The following STK32B variants were observed in gnomAD, a reference collection of about 807,000 sequenced individuals.
The protein encoded by STK32B is serine/threonine-protein kinase 32B.
Under a neutral mutation model 52.6 loss-of-function variants are expected in STK32B, and 43 were observed. The ratio of observed to expected loss-of-function variants is 0.82; its 90% confidence interval spans 0.64 to 1.05. STK32B has a LOEUF of 1.05. Ranked by LOEUF, STK32B falls within the 50% of genes least tolerant of loss-of-function variation. STK32B has a pLI of 0.00. For synonymous variants in STK32B, 238 were observed against 204.3 expected (o/e 1.17, Z -1.41); for missense variants, 621 against 534.6 (o/e 1.16, Z -1.59).
the STK32B span, among the ~76,000 whole-genome samples, chr4:5,043,343 ACT>A: frequency 6.6e-6 from 1 of 151,964 alleles, no homozygotes; most frequent in Non-Finnish European, 1.5e-5. Flanking sequence ...TAAGAACTGG[ACT>A]CTCTATTTGG....
At chr4:5,032,134 G>T in the STK32B span, among the ~76,000 whole-genome samples, 1 of 151,058 alleles carries the variant, frequency 6.6e-6, no homozygotes, top group Non-Finnish European at 1.5e-5. Flanking sequence ...ATTAGAACTT[G>T]AGACTAGTAG....
chr4:5,364,870 GTTATTA>G (rs146257749), intron 4 of STK32B, among the ~76,000 whole-genome samples: 5,924 of 148,816 alleles, frequency 0.04, 252 homozygotes, highest in African/African-American at 0.1. Flanking sequence ...GGAAAAAAAT[GTTATTA>G]TTATTAATTA....
intron 5 of STK32B, among the ~76,000 whole-genome samples, chr4:5,414,349 G>T (rs376402070): frequency 8.8e-5 from 9 of 102,594 alleles, no homozygotes; most frequent in African/African-American, 2.5e-4. Flanking sequence ...TACAGGTTTG[G>T]AGGAACACCT....
At chr4:5,264,529 G>A (rs558026769) in intron 3 of STK32B, among the ~76,000 whole-genome samples, 1 of 152,216 alleles carries the variant, frequency 6.6e-6, no homozygotes, top group South Asian at 2.1e-4. Context: ...GCTCACGCCT[G>A]TAATCCCAGC....
intron 4 of STK32B, among the ~76,000 whole-genome samples, chr4:5,355,355 C>T (rs1360286329): frequency 1.3e-5 from 2 of 152,166 alleles, no homozygotes; most frequent in African/African-American, 4.8e-5. Context: ...CGTCTGGCTC[C>T]ATGCACAGAC....
intron 4 of STK32B, among the ~76,000 whole-genome samples, chr4:5,336,498 A>T (rs1732706089): frequency 1.3e-5 from 2 of 152,304 alleles, no homozygotes; most frequent in South Asian, 4.1e-4. Context: ...CAAAATAACT[A>T]TGATCAGTAT....
At position 5,466,691 on chromosome 4, in the gene STK32B, A is replaced by T. The variant is rs1717461120; in HGVS notation, c.910-12A>T. The T allele has an allele frequency of 1.9e-6, 3 of 1,606,816 alleles. No individual in the cohort carries two copies. The highest frequency in any genetic ancestry group is 2.5e-6 in the Non-Finnish European group (3 of 1,176,692). On this transcript the variant is annotated splice_polypyrimidine_tract_variant and intron_variant, in intron 9 of 11. Transcript: ENST00000282908. ...GCAGACAGACCATGTTTTCTTTTCT[A>T]CTCCCCTTTAGAAAGGGAGGTTGAA...
intron 4 of STK32B, among the ~76,000 whole-genome samples, chr4:5,364,687 C>A (rs1002980382): frequency 2.6e-5 from 4 of 152,088 alleles, no homozygotes. Flanking sequence ...GAATCATATT[C>A]AGTAGGGAGA....
At chr4:5,496,249 C>A (rs1204972979) in intron 11 of STK32B, among the ~76,000 whole-genome samples, 1 of 152,232 alleles carries the variant, frequency 6.6e-6, no homozygotes, top group Non-Finnish European at 1.5e-5. Flanking sequence ...AGCTTCCAGG[C>A]CACTTTGTTT....
chr4:5,279,010 A>G (rs1214084229), intron 3 of STK32B, among the ~76,000 whole-genome samples: 1 of 152,188 alleles, frequency 6.6e-6, no homozygotes, highest in Admixed American at 6.5e-5. Flanking sequence ...ATTTGACATG[A>G]GATTTGGGTG....
chr4:5,063,791 T>G (rs1363885166), intron 1 of STK32B, among the ~76,000 whole-genome samples: 1 of 152,236 alleles, frequency 6.6e-6, no homozygotes, highest in Non-Finnish European at 1.5e-5. Context: ...ATTAGCTAAC[T>G]TATCGAACAG....
At chr4:5,224,315 A>G (rs746331748) in intron 3 of STK32B, among the ~76,000 whole-genome samples, 1 of 152,186 alleles carries the variant, frequency 6.6e-6, no homozygotes, top group African/African-American at 2.4e-5. Context: ...TCCTCATGGG[A>G]CCTCCCAATG....
At chr4:5,316,157 ATATAACTAAATATATATATAACTAAATAT>A in intron 3 of STK32B, among the ~76,000 whole-genome samples, 1 of 88,440 alleles carries the variant, frequency 1.1e-5, no homozygotes, top group Non-Finnish European at 1.9e-5. Context: ...AACTAAATAT[ATATAACTAAATATATATATAACTAAATAT>A]ATATATTTAG....
At chr4:5,093,304 A>G (rs1231172659) in intron 1 of STK32B, among the ~76,000 whole-genome samples, 1 of 152,246 alleles carries the variant, frequency 6.6e-6, no homozygotes, top group African/African-American at 2.4e-5. Flanking sequence ...ATTTGAAGTC[A>G]AAAGAAACGT....
At chr4:5,301,565 T>C (rs922753523) in intron 3 of STK32B, among the ~76,000 whole-genome samples, 4 of 151,834 alleles carry the variant, frequency 2.6e-5, no homozygotes, top group Non-Finnish European at 5.9e-5. Flanking sequence ...TGGCATAAAA[T>C]TTCTTATACT....
chr4:5,136,650 C>G (rs1392524728), intron 1 of STK32B, among the ~76,000 whole-genome samples: 1 of 152,204 alleles, frequency 6.6e-6, no homozygotes, highest in Non-Finnish European at 1.5e-5. Context: ...CTCACACCCC[C>G]CAGCCAATTC....
At position 5,184,684 on chromosome 4, in the gene STK32B, C is replaced by CA. The variant is rs1553846538; in HGVS notation, c.260+16247dup. On this transcript the variant is annotated intron_variant, in intron 3 of 11. Coordinates refer to ENST00000282908, the MANE Select transcript of STK32B (RefSeq NM_018401.3). Reference sequence around the variant, plus strand: ...GCCTGGTGACAGAGCGAGACTGTCTCAAAAAAAAAAAAAGAAGAAGAAGAA... The same window carrying CA: ...GCCTGGTGACAGAGCGAGACTGTCTCAAAAAAAAAAAAAAGAAGAAGAAGAA... Among the ~76,000 whole-genome samples, 223 of 105,344 alleles carry CA rather than the reference C, an allele frequency of 2.1e-3. 3 individuals are homozygous for CA. The highest frequency in any genetic ancestry group is 0.012 in the South Asian group (33 of 2,862). The allele number at this position is 105,344 out of a possible 152,430, so 69.1% of individuals were successfully genotyped here. A position where few individuals can be genotyped will look rare whatever the true frequency, so the allele number is the denominator to read the frequency against.
intron 3 of STK32B, among the ~76,000 whole-genome samples, chr4:5,188,270 C>G (rs966085828): frequency 6.6e-6 from 1 of 152,272 alleles, no homozygotes. Flanking sequence ...TTATGTGAAG[C>G]TCACATCCCA....
intron 4 of STK32B, among the ~76,000 whole-genome samples, chr4:5,356,952 C>G (rs923103270): frequency 2.0e-5 from 3 of 151,920 alleles, no homozygotes; most frequent in Non-Finnish European, 4.4e-5. Flanking sequence ...GAGCCGAGAT[C>G]GTGCCATTGC....
Sources: allele counts gnomAD v4.1 joint callset (sites outside exome capture counted in the v4.1 genomes callset), GRCh38; gene constraint gnomAD v4.1.1; transcripts MANE v1.5; gene names NCBI Gene and HGNC (gene_info 2026-07-23, HGNC 2026-07-21).